CTNNA2: variants seen among roughly 807,000 people sequenced by gnomAD.
CTNNA2 encodes catenin alpha-2.
CTNNA2 carries 42 observed loss-of-function variants against 101.0 expected under a neutral mutation model. The observed-to-expected ratio is 0.42, with a 90% CI of 0.32 to 0.54. The LOEUF (loss-of-function observed/expected upper bound fraction) is 0.54, where lower values mean the gene tolerates loss of function less well. Ranked by LOEUF, CTNNA2 falls within the 20% of genes least tolerant of loss-of-function variation. The pLI is 0.14. For missense variants in CTNNA2, 871 were observed against 1,223.1 expected, an observed-to-expected ratio of 0.71 and a Z score of 4.29; for synonymous variants, 450 against 456.4, an observed-to-expected ratio of 0.99 and a Z score of 0.18.
intron 1 of CTNNA2, among the ~76,000 whole-genome samples, chr2:79,567,226 T>C (rs1046801741): frequency 2.0e-5 from 3 of 152,176 alleles, no homozygotes; most frequent in African/African-American, 7.2e-5. Context: ...TCCTTTGCTG[T>C]TGTTGTTGAA....
chr2:79,702,538 A>C (rs1236518309), intron 2 of CTNNA2, among the ~76,000 whole-genome samples: 1 of 152,176 alleles, frequency 6.6e-6, no homozygotes, highest in Admixed American at 6.5e-5. Context: ...TATAGTTCAC[A>C]TTGAGAGATT....
chr2:79,660,086 CAAAT>C (rs889519809), intron 2 of CTNNA2, among the ~76,000 whole-genome samples: 3 of 151,724 alleles, frequency 2.0e-5, no homozygotes, highest in Admixed American at 2.0e-4. Flanking sequence ...CTTTCCTTGT[CAAAT>C]AAATACATAT....
chr2:79,866,008 C>T (rs891123580), intron 4 of CTNNA2, among the ~76,000 whole-genome samples: 1 of 152,218 alleles, frequency 6.6e-6, no homozygotes, highest in East Asian at 1.9e-4. Context: ...CGTGAGCCAC[C>T]GCGGCCAGCC....
intron 2 of CTNNA2, among the ~76,000 whole-genome samples, chr2:79,251,735 T>C (rs546755677): frequency 6.6e-6 from 1 of 152,264 alleles, no homozygotes; most frequent in East Asian, 1.9e-4. Context: ...CCTCCCCAAC[T>C]TGGGCCTGGA....
At chr2:79,512,962 G>T (rs1417359152), upstream of CTNNA2, 1 of 151,118 alleles carries the variant, frequency 6.6e-6, no homozygotes, top group Non-Finnish European at 1.5e-5. Context: ...GCTGCCGCTC[G>T]CGCTTGGGCA....
intron 7 of CTNNA2, among the ~76,000 whole-genome samples, chr2:80,178,616 T>C (rs1705550134): frequency 6.6e-6 from 1 of 152,202 alleles, no homozygotes; most frequent in Admixed American, 6.5e-5. Context: ...AGCCTTCTCC[T>C]GTTCTGGACC....
At chr2:79,193,922 G>A (rs1359560316) in intron 1 of CTNNA2, among the ~76,000 whole-genome samples, 1 of 152,130 alleles carries the variant, frequency 6.6e-6, no homozygotes, top group Non-Finnish European at 1.5e-5. Context: ...AAATTGTTAC[G>A]ACATTGCTTT....
chr2:80,535,895 C>G (rs75390572), intron 9 of CTNNA2, among the ~76,000 whole-genome samples: 1 of 152,144 alleles, frequency 6.6e-6, no homozygotes, highest in Non-Finnish European at 1.5e-5. Flanking sequence ...CGAGACAACT[C>G]CTACAATATT....
At chr2:80,496,063 A>G (rs1033420306) in intron 9 of CTNNA2, among the ~76,000 whole-genome samples, 6 of 152,160 alleles carry the variant, frequency 3.9e-5, no homozygotes, top group African/African-American at 1.4e-4. Context: ...GGAATACCAA[A>G]CATTGCTGGG....
chr2:79,242,991 T>TACACACACAC (rs1456245339), intron 2 of CTNNA2, among the ~76,000 whole-genome samples: 2 of 120,922 alleles, frequency 1.7e-5, no homozygotes, highest in Non-Finnish European at 3.5e-5. Flanking sequence ...TATATATATA[T>TACACACACAC]ATACACACAC....
intron 2 of CTNNA2, among the ~76,000 whole-genome samples, chr2:79,282,077 A>G (rs1675403381): frequency 6.6e-6 from 1 of 152,150 alleles, no homozygotes; most frequent in Non-Finnish European, 1.5e-5. Flanking sequence ...TTGATCTTCA[A>G]GATACCTTTA....
intron 7 of CTNNA2, among the ~76,000 whole-genome samples, chr2:80,053,355 C>A (rs1697001600): frequency 6.6e-6 from 1 of 152,174 alleles, no homozygotes; most frequent in African/African-American, 2.4e-5. Context: ...ATAATGGCAA[C>A]ACAACTTTAT....
chr2:79,535,132 G>A (rs1012085840), intron 1 of CTNNA2, among the ~76,000 whole-genome samples: 1 of 152,078 alleles, frequency 6.6e-6, no homozygotes, highest in African/African-American at 2.4e-5. Context: ...ATCTTAATCT[G>A]TTTAATAGCT....
At chr2:79,882,671 C>G (rs1683534252) in intron 6 of CTNNA2, among the ~76,000 whole-genome samples, 1 of 152,200 alleles carries the variant, frequency 6.6e-6, no homozygotes, top group Admixed American at 6.5e-5. Flanking sequence ...TGGCTGCTGC[C>G]CCTCCGCCAA....
In CTNNA2 at chr2:80,093,552, T is replaced by C. The variant is rs1024969480; in HGVS notation, c.1056+183755T>C. Among the ~76,000 whole-genome samples the C allele has an allele frequency of 2.9e-4, 44 of 152,308 alleles. 1 individual carries two copies. The highest frequency in any genetic ancestry group is 9.9e-4 in the African/African-American group (41 of 41,572). On this transcript the variant is annotated intron_variant, in intron 7 of 18. Transcript: ENST00000402739. Reference sequence around the variant, plus strand: ...GGATGGCTGGGTCAAATGGTATTTCTAGTTCTAGATCCCTGAGGAATCACC... The same window carrying C: ...GGATGGCTGGGTCAAATGGTATTTCCAGTTCTAGATCCCTGAGGAATCACC...
intron 7 of CTNNA2, among the ~76,000 whole-genome samples, chr2:79,933,089 A>T (rs1382240052): frequency 6.6e-6 from 1 of 152,196 alleles, no homozygotes; most frequent in Non-Finnish European, 1.5e-5. Flanking sequence ...TTGGACAATT[A>T]TAGTTATCAT....
chr2:79,226,002 G>T (rs1026913218), intron 2 of CTNNA2, among the ~76,000 whole-genome samples: 9 of 152,102 alleles, frequency 5.9e-5, no homozygotes, highest in Admixed American at 2.0e-4. Context: ...CTGTCTACTA[G>T]TTGAGGACTT....
At chr2:80,280,735 A>G (rs1674316228) in intron 7 of CTNNA2, among the ~76,000 whole-genome samples, 1 of 152,154 alleles carries the variant, frequency 6.6e-6, no homozygotes, top group Non-Finnish European at 1.5e-5. Flanking sequence ...TATTCTGAGG[A>G]ACATGATGAA....
chr2:79,986,457 TC>T (rs1468983311), intron 7 of CTNNA2, among the ~76,000 whole-genome samples: 2 of 152,150 alleles, frequency 1.3e-5, no homozygotes, highest in African/African-American at 4.8e-5. Flanking sequence ...GATAGTCTTA[TC>T]AGTGAATTCC....
Sources: gnomAD v4.1 joint callset for allele counts (sites outside exome capture counted in the v4.1 genomes callset) on GRCh38, gnomAD v4.1.1 for gene constraint, MANE v1.5 for transcripts, NCBI Gene and HGNC (gene_info 2026-07-23, HGNC 2026-07-21) for gene names.